The following AEBP2 variants were observed in gnomAD, a reference collection of about 807,000 sequenced individuals.
The protein encoded by AEBP2 is AE binding protein 2.
A neutral mutation model predicts 50.8 loss-of-function variants in AEBP2; 10 were observed. The ratio of observed to expected loss-of-function variants is 0.20; its 90% confidence interval spans 0.12 to 0.33. AEBP2 has a LOEUF of 0.33. AEBP2 is among the 10% of genes least tolerant of loss of function. The pLI is 1.00. For synonymous variants in AEBP2, 296 were observed against 261.3 expected, an observed-to-expected ratio of 1.13 and a Z score of -1.28; for missense variants, 570 against 688.0, an observed-to-expected ratio of 0.83 and a Z score of 1.92.
chr12:19,425,614 A>C (rs1359761098), intron 1 of AEBP2, among the ~76,000 whole-genome samples: 2 of 151,824 alleles, frequency 1.3e-5, no homozygotes, highest in East Asian at 3.9e-4. Flanking sequence ...TCTCTACTAA[A>C]AATACAAAAT....
chr12:19,506,235 T>C (rs1191405368), intron 5 of AEBP2, among the ~76,000 whole-genome samples: 1 of 152,082 alleles, frequency 6.6e-6, no homozygotes, highest in East Asian at 1.9e-4. Context: ...TAGCTGGGAC[T>C]GTACTAAATT....
intron 1 of AEBP2, among the ~76,000 whole-genome samples, chr12:19,434,320 T>C (rs1201181305): frequency 6.6e-6 from 1 of 151,838 alleles, no homozygotes; most frequent in Non-Finnish European, 1.5e-5. Context: ...GTTACAGGCA[T>C]GTGCCACCAT....
intron 2 of AEBP2, among the ~76,000 whole-genome samples, chr12:19,468,823 G>A (rs1040581491): frequency 3.3e-5 from 5 of 152,198 alleles, no homozygotes; most frequent in African/African-American, 1.2e-4. Flanking sequence ...TCAGTACTTT[G>A]TAGAGTTCTC....
At chr12:19,427,858 T>C (rs139360574) in intron 1 of AEBP2, among the ~76,000 whole-genome samples, 1 of 152,204 alleles carries the variant, frequency 6.6e-6, no homozygotes, top group East Asian at 1.9e-4. Context: ...TTTCTGGGAA[T>C]TAAAAAAAAT....
At chr12:19,457,676 C>A in intron 1 of AEBP2, 1 of 1,302,884 alleles carries the variant, frequency 7.7e-7, no homozygotes, top group South Asian at 2.1e-5. Context: ...GTTTTCACAA[C>A]ACCTGTGTTC....
intron 1 of AEBP2, among the ~76,000 whole-genome samples, chr12:19,419,496 G>A (rs2095744434): frequency 1.3e-5 from 2 of 152,040 alleles, no homozygotes; most frequent in Non-Finnish European, 2.9e-5. Flanking sequence ...GGCTGAGGCA[G>A]GAGAATCGCT....
intron 3 of AEBP2, among the ~76,000 whole-genome samples, chr12:19,480,207 A>G (rs759582647): frequency 5.9e-5 from 9 of 152,108 alleles, no homozygotes; most frequent in Non-Finnish European, 8.8e-5. Flanking sequence ...GGTTCAAGCA[A>G]TTCTGCCTGC....
chr12:19,481,876 C>T (rs1592755288), intron 3 of AEBP2, among the ~76,000 whole-genome samples: 3 of 152,140 alleles, frequency 2.0e-5, no homozygotes, highest in South Asian at 2.1e-4. Flanking sequence ...ATTTTTCATC[C>T]GTATCCTGTA....
Position 19,493,913 on chromosome 12 carries a change from C to G in AEBP2, c.1101C>G (p.Ala367=). Residue 367 remains alanine, a synonymous_variant, in exon 4 of 8, where the codon GCC becomes GCG. Transcript: ENST00000266508. ...CAAAAGTTTCTAGCCAGCCAAAGGC[C>G]AAAGAAGAATCTCCTTCTAAAGCTG... ...NSSKVSSQPK[A]KEESPSKAGM... is the part of the protein sequence containing the mutation. 2.5e-6 allele frequency: 4 copies of G among 1,613,524 alleles called. No homozygotes were observed. The highest frequency in any genetic ancestry group is 2.5e-6 in the Non-Finnish European group (3 of 1,179,738).
intron 3 of AEBP2, among the ~76,000 whole-genome samples, chr12:19,476,630 C>T (rs184262061): frequency 1.3e-4 from 20 of 152,272 alleles, no homozygotes; most frequent in African/African-American, 4.8e-4. Context: ...GCGTGAGTCA[C>T]CAATATTTGG....
intron 1 of AEBP2, among the ~76,000 whole-genome samples, chr12:19,452,594 A>G (rs1214933213): frequency 1.3e-5 from 2 of 152,128 alleles, no homozygotes; most frequent in East Asian, 3.9e-4. Flanking sequence ...TAGACTAAAT[A>G]TTAGGGCAAA....
At chr12:19,457,298 C>T (rs1203051998) in intron 1 of AEBP2, 7 of 1,553,992 alleles carry the variant, frequency 4.5e-6, no homozygotes, top group Non-Finnish European at 6.1e-6. Flanking sequence ...ACAATCAGGA[C>T]AGCACAGTCA....
intron 1 of AEBP2, among the ~76,000 whole-genome samples, chr12:19,430,752 G>A (rs941087249): frequency 1.3e-5 from 2 of 152,142 alleles, no homozygotes; most frequent in Admixed American, 6.5e-5. Context: ...GTGAATGGGA[G>A]TTCACTCATG....
At chr12:19,414,951 A>G (rs1475096929) in intron 1 of AEBP2, among the ~76,000 whole-genome samples, 1 of 151,106 alleles carries the variant, frequency 6.6e-6, no homozygotes, top group Non-Finnish European at 1.5e-5. Flanking sequence ...TTGAGTCCAA[A>G]TCCCAGAGAA....
At chr12:19,492,189 A>G (rs1948903825) in intron 3 of AEBP2, among the ~76,000 whole-genome samples, 1 of 152,230 alleles carries the variant, frequency 6.6e-6, no homozygotes, top group South Asian at 2.1e-4. Context: ...TTAAATGACT[A>G]ATGGAAAAGT....
intron 3 of AEBP2, among the ~76,000 whole-genome samples, chr12:19,477,821 T>C (rs1353534852): frequency 1.3e-5 from 2 of 152,218 alleles, no homozygotes; most frequent in African/African-American, 2.4e-5. Context: ...GGATTCCCTC[T>C]TTCTCTGTCT....
chr12:19,425,044 T>C (rs2095747823), intron 1 of AEBP2, among the ~76,000 whole-genome samples: 1 of 152,100 alleles, frequency 6.6e-6, no homozygotes. Flanking sequence ...TAAAATATAG[T>C]AGCTTAAATA....
chr12:19,470,639 C>G (rs1000465080), intron 2 of AEBP2, among the ~76,000 whole-genome samples: 4 of 152,146 alleles, frequency 2.6e-5, no homozygotes, highest in Non-Finnish European at 5.9e-5. Context: ...CTAAACCATA[C>G]TTAATAAGGC....
At chr12:19,483,601 C>G (rs1948762677) in intron 3 of AEBP2, among the ~76,000 whole-genome samples, 1 of 152,196 alleles carries the variant, frequency 6.6e-6, no homozygotes, top group Non-Finnish European at 1.5e-5. Context: ...TTAGCCCTTT[C>G]TCCTATCTCC....
Sources: gnomAD v4.1 joint callset for allele counts (sites outside exome capture counted in the v4.1 genomes callset) on GRCh38, gnomAD v4.1.1 for gene constraint, MANE v1.5 for transcripts, NCBI Gene and HGNC (gene_info 2026-07-23, HGNC 2026-07-21) for gene names.